Variants in MDGA2 observed in about 807,000 individuals in gnomAD.
The protein encoded by MDGA2 is MAM domain-containing glycosylphosphatidylinositol anchor protein 2.
MDGA2 carries 40 observed loss-of-function variants against 117.8 expected under a neutral mutation model. The observed-to-expected ratio is 0.34, with a 90% CI of 0.26 to 0.44. MDGA2 has a LOEUF of 0.44. Ranked by LOEUF, MDGA2 falls within the 20% of genes least tolerant of loss-of-function variation. The probability of loss-of-function intolerance (pLI) is 1.00; values close to 1 mark genes in which losing one functional copy is unlikely to be tolerated. For synonymous variants in MDGA2, 452 were observed against 439.0 expected (o/e 1.03, Z -0.37); for missense variants, 1,123 against 1,250.6 (o/e 0.90, Z 1.54).
intron 1 of MDGA2, among the ~76,000 whole-genome samples, chr14:47,562,602 G>A (rs948009616): frequency 6.6e-6 from 1 of 151,958 alleles, no homozygotes; most frequent in Non-Finnish European, 1.5e-5. Flanking sequence ...TTTTATTTCC[G>A]ATTACGTTTA....
At chr14:47,587,211 G>C (rs1437003010) in intron 1 of MDGA2, among the ~76,000 whole-genome samples, 1 of 151,616 alleles carries the variant, frequency 6.6e-6, no homozygotes, top group Non-Finnish European at 1.5e-5. Flanking sequence ...CTTAATACCT[G>C]GGTGAGGAAA....
intron 1 of MDGA2, among the ~76,000 whole-genome samples, chr14:47,460,316 A>C (rs1413786914): frequency 2.0e-5 from 3 of 152,178 alleles, no homozygotes; most frequent in Non-Finnish European, 4.4e-5. Context: ...GGAAAAAAAG[A>C]GTAAAGAAGG....
At chr14:47,211,153 C>A (rs1885868310) in intron 3 of MDGA2, among the ~76,000 whole-genome samples, 1 of 152,090 alleles carries the variant, frequency 6.6e-6, no homozygotes, top group Non-Finnish European at 1.5e-5. Context: ...CCCCCAAACC[C>A]ACCATCGTAA....
At chr14:47,397,267 G>A (rs1346738166) in intron 1 of MDGA2, among the ~76,000 whole-genome samples, 2 of 152,086 alleles carry the variant, frequency 1.3e-5, no homozygotes, top group African/African-American at 2.4e-5. Context: ...ACTCATAAGT[G>A]GGAGTTGAAC....
intron 2 of MDGA2, among the ~76,000 whole-genome samples, chr14:47,230,236 G>T (rs543285838): frequency 3.9e-5 from 6 of 151,962 alleles, no homozygotes; most frequent in African/African-American, 7.2e-5. Flanking sequence ...GTAACCAAAT[G>T]AACTCCTGCT....
chr14:47,353,578 T>A (rs1187532963), intron 1 of MDGA2, among the ~76,000 whole-genome samples: 3 of 152,136 alleles, frequency 2.0e-5, no homozygotes, highest in Admixed American at 1.3e-4. Flanking sequence ...TACGAAGGAA[T>A]CTGAATCCAA....
At chr14:47,593,898 A>T (rs1275428671) in intron 1 of MDGA2, among the ~76,000 whole-genome samples, 1 of 152,152 alleles carries the variant, frequency 6.6e-6, no homozygotes, top group Non-Finnish European at 1.5e-5. Flanking sequence ...AATAACATAA[A>T]ATACTTGTTA....
intron 1 of MDGA2, among the ~76,000 whole-genome samples, chr14:47,464,845 C>T (rs948466379): frequency 2.6e-5 from 4 of 151,780 alleles, no homozygotes; most frequent in African/African-American, 9.7e-5. Flanking sequence ...TCATACTGAA[C>T]GAAAAAAGCT....
At chr14:46,938,559 A>AAAAAAAAAAAAAAAAAAAG (rs1566535268) in intron 9 of MDGA2, among the ~76,000 whole-genome samples, 1 of 149,042 alleles carries the variant, frequency 6.7e-6, no homozygotes, top group East Asian at 2.0e-4. Flanking sequence ...AAAAAAAAAA[A>AAAAAAAAAAAAAAAAAAAG]AGAGACATCA....
chr14:47,042,062 A>T (rs556024757), intron 7 of MDGA2, among the ~76,000 whole-genome samples: 3 of 152,186 alleles, frequency 2.0e-5, no homozygotes, highest in Admixed American at 2.0e-4. Flanking sequence ...GCATGGCACT[A>T]ATTCAATTAC....
chr14:47,018,110 G>A (rs1400851967), intron 8 of MDGA2, among the ~76,000 whole-genome samples: 1 of 151,444 alleles, frequency 6.6e-6, no homozygotes, highest in Non-Finnish European at 1.5e-5. Flanking sequence ...CCTATGTTGT[G>A]GAAATATCAT....
At chr14:47,101,595 C>T (rs1880328281) in intron 5 of MDGA2, among the ~76,000 whole-genome samples, 1 of 152,134 alleles carries the variant, frequency 6.6e-6, no homozygotes, top group South Asian at 2.1e-4. Flanking sequence ...AGACAGCTCC[C>T]AGTCCCACAA....
At chr14:47,562,974 T>C (rs752515970) in intron 1 of MDGA2, among the ~76,000 whole-genome samples, 9 of 152,212 alleles carry the variant, frequency 5.9e-5, no homozygotes, top group Non-Finnish European at 1.2e-4. Flanking sequence ...GATCTCTGCC[T>C]TAATCTCATT....
At chr14:47,026,362 A>G (rs1047431652) in intron 8 of MDGA2, among the ~76,000 whole-genome samples, 6 of 152,016 alleles carry the variant, frequency 3.9e-5, no homozygotes, top group Admixed American at 2.6e-4. Flanking sequence ...AATTTCTTAC[A>G]TTGTTGCTTA....
chr14:47,595,895 C>T (rs1409042213), intron 1 of MDGA2, among the ~76,000 whole-genome samples: 1 of 152,128 alleles, frequency 6.6e-6, no homozygotes, highest in Non-Finnish European at 1.5e-5. Context: ...TCTATGGGAA[C>T]AAATCTGACT....
At chr14:47,540,561 T>TACACACAC (rs1463939269) in intron 1 of MDGA2, among the ~76,000 whole-genome samples, 1 of 100,308 alleles carries the variant, frequency 1.0e-5, no homozygotes, top group Admixed American at 1.2e-4. Flanking sequence ...TATGTATATA[T>TACACACAC]ATACACACAC....
In MDGA2 at chr14:46,993,017, A is replaced by G. The variant is rs150926227; in HGVS notation, c.1820-35374T>C. The stretch of plus-strand genomic sequence containing the variant: ...TTCCCCAATAACTATAACTTATACA[A>G]TCTTGAGCTTTACTTGGCTCTTTAG... On this transcript the variant is annotated intron_variant, in intron 8 of 16. Coordinates refer to ENST00000399232, the MANE Select transcript of MDGA2 (RefSeq NM_001113498.3). 5.0e-4 allele frequency among the ~76,000 whole-genome samples: 76 copies of G among 152,248 alleles called. No homozygotes were observed. The East Asian group carries it at 0.013, about 26-fold the overall frequency.
intron 1 of MDGA2, among the ~76,000 whole-genome samples, chr14:47,599,292 T>C (rs1490462650): frequency 2.0e-5 from 3 of 151,430 alleles, no homozygotes; most frequent in African/African-American, 4.9e-5. Flanking sequence ...ATGAAGTCAG[T>C]TGGAAACTAA....
At chr14:47,657,968 G>C (rs1021574030) in intron 1 of MDGA2, among the ~76,000 whole-genome samples, 10 of 152,134 alleles carry the variant, frequency 6.6e-5, no homozygotes, top group Non-Finnish European at 1.3e-4. Context: ...AGTATCCTCA[G>C]TTATCTTCAC....
Sources: allele counts gnomAD v4.1 joint callset (sites outside exome capture counted in the v4.1 genomes callset), GRCh38; gene constraint gnomAD v4.1.1; transcripts MANE v1.5; gene names NCBI Gene and HGNC (gene_info 2026-07-23, HGNC 2026-07-21).